KALRN: variants seen among roughly 807,000 people sequenced by gnomAD.
KALRN encodes the protein kalirin.
In KALRN, 70 loss-of-function variants were observed where a neutral mutation model predicts 353.7. That is an observed-to-expected ratio of 0.20 (90% CI 0.16 to 0.24). KALRN has a LOEUF of 0.24. Ranked by LOEUF, KALRN falls within the 10% of genes least tolerant of loss-of-function variation. KALRN has a pLI of 1.00. For synonymous variants in KALRN, 1,391 were observed against 1,434.8 expected (o/e 0.97, Z 0.69); for missense variants, 2,791 against 3,756.7 (o/e 0.74, Z 6.72).
chr3:124,419,546 C>T (rs1034779819), intron 14 of KALRN, among the ~76,000 whole-genome samples: 2 of 151,964 alleles, frequency 1.3e-5, no homozygotes, highest in Middle Eastern at 3.2e-3. Flanking sequence ...TGAAGAGGCT[C>T]GTTTGTTCAT....
intron 1 of KALRN, among the ~76,000 whole-genome samples, chr3:124,063,799 C>A (rs1426610195): frequency 6.6e-6 from 1 of 152,128 alleles, no homozygotes; most frequent in African/African-American, 2.4e-5. Context: ...ATTCAACAAG[C>A]ATGTCTCGAG....
intron 5 of KALRN, among the ~76,000 whole-genome samples, chr3:124,270,002 C>G (rs1398197541): frequency 6.6e-6 from 1 of 152,116 alleles, no homozygotes; most frequent in African/African-American, 2.4e-5. Flanking sequence ...AAAGCTTTCC[C>G]CTTATCAGGG....
intron 6 of KALRN, among the ~76,000 whole-genome samples, chr3:124,324,841 A>G (rs1481917882): frequency 2.0e-5 from 3 of 152,262 alleles, no homozygotes; most frequent in Non-Finnish European, 4.4e-5. Flanking sequence ...AACAGAACCT[A>G]GAGAAAATGC....
chr3:124,202,356 T>C (rs1416532973), intron 1 of KALRN, among the ~76,000 whole-genome samples: 1 of 152,114 alleles, frequency 6.6e-6, no homozygotes, highest in Admixed American at 6.6e-5. Context: ...GCTCAAGCGA[T>C]TTTCCCACCT....
chr3:124,562,990 C>A lies in KALRN; in HGVS notation c.5083C>A (p.Arg1695=). 7.3e-7 allele frequency: 1 copy of A among 1,367,936 alleles called. No homozygotes were observed. Among genetic ancestry groups the A allele is most frequent in the South Asian group, 1.1e-5 (1 of 88,056 alleles). 84.7% of individuals were successfully genotyped at this position (1,367,936 alleles called of 1,614,324 possible). ...TTGGTGTCTGGTCCGTACCACCGAA[C>A]GGAGCCCGCCCTTGGAGGGTCTGGT... is the stretch of plus-strand genomic sequence containing the variant. ...PGWCLVRTTE[R]SPPLEGLVPS... The change falls in exon 34 of 60, where the codon CGG becomes AGG. Residue 1695 remains arginine (R), a synonymous_variant. Transcript: ENST00000682506.
chr3:124,494,042 T>C (rs145500271), intron 32 of KALRN, among the ~76,000 whole-genome samples: 110 of 152,324 alleles, frequency 7.2e-4, no homozygotes, highest in African/African-American at 2.6e-3. Context: ...TGGTCTAGGA[T>C]CATAGTGAAA....
At chr3:124,572,935 G>A (rs1363337392) in intron 34 of KALRN, among the ~76,000 whole-genome samples, 1 of 152,062 alleles carries the variant, frequency 6.6e-6, no homozygotes, top group Non-Finnish European at 1.5e-5. Flanking sequence ...TACTTGGAGG[G>A]TTGAGGTAAG....
intron 5 of KALRN, among the ~76,000 whole-genome samples, chr3:124,282,096 G>A (rs1560452008): frequency 6.6e-6 from 1 of 152,156 alleles, no homozygotes; most frequent in Non-Finnish European, 1.5e-5. Flanking sequence ...AGTAGAAAGG[G>A]AAGGGACAAA....
intron 14 of KALRN, among the ~76,000 whole-genome samples, chr3:124,416,330 T>C (rs1158744188): frequency 6.6e-6 from 1 of 152,238 alleles, no homozygotes; most frequent in Non-Finnish European, 1.5e-5. Context: ...GGACTGCTTA[T>C]GACTGAGGTG....
Position 124,651,843 on chromosome 3 carries a change from G to A in KALRN, c.5795+905G>A, listed in dbSNP as rs985363467. The stretch of plus-strand genomic sequence containing the variant: ...TGTAGAGATGGAGTCTTGCTTGGTT[G>A]CCCTGGCTGGTCTGGGACTCCTAGG... On this transcript the variant is annotated intron_variant, in intron 38 of 59. Transcript: ENST00000682506. Among the ~76,000 whole-genome samples the A allele has an allele frequency of 2.0e-5, 3 of 152,084 alleles. No homozygotes were observed. In the South Asian group the frequency reaches 6.2e-4, roughly 32 times the overall value.
rs753024160 is a variant in KALRN, at chr3:124,482,911, T to C, written c.4284+11T>C. On this transcript the variant is annotated intron_variant, in intron 28 of 59. Transcript: ENST00000682506. Reference sequence around the variant, plus strand: ...CAACTGCTCCTGAAGGTACCTCCCCTCCCCTCTACATCCCCCTCCACTGCC... The same window carrying C: ...CAACTGCTCCTGAAGGTACCTCCCCCCCCCTCTACATCCCCCTCCACTGCC... The C allele has an allele frequency of 1.1e-5, 17 of 1,555,146 alleles. No individual in the cohort carries two copies. The highest frequency in any genetic ancestry group is 1.4e-5 in the Non-Finnish European group (16 of 1,126,282).
At chr3:124,443,178 T>C (rs1237873997) in intron 19 of KALRN, among the ~76,000 whole-genome samples, 1 of 152,248 alleles carries the variant, frequency 6.6e-6, no homozygotes. Flanking sequence ...AAATTGCCTA[T>C]TATCTGACCA....
intron 25 of KALRN, among the ~76,000 whole-genome samples, chr3:124,469,638 T>C (rs2060690445): frequency 6.6e-6 from 1 of 152,174 alleles, no homozygotes; most frequent in Admixed American, 6.6e-5. Context: ...TATAAATACA[T>C]GAACCTCACA....
At chr3:124,146,885 A>AAAAAAAAAAAAAAAAAAGAAAAG (rs2067416849) in intron 1 of KALRN, among the ~76,000 whole-genome samples, 1 of 150,634 alleles carries the variant, frequency 6.6e-6, no homozygotes, top group Non-Finnish European at 1.5e-5. Context: ...AAAAAAAAAA[A>AAAAAAAAAAAAAAAAAAGAAAAG]AAAAAAAAAG....
chr3:124,628,936 G>A (rs2581159), intron 34 of KALRN, among the ~76,000 whole-genome samples: 111,313 of 151,856 alleles, frequency 0.73, 41,584 homozygotes, highest in East Asian at 0.89. Context: ...TCTATTGGCT[G>A]CATGTAGGCC....
intron 33 of KALRN, chr3:124,504,808 C>G: frequency 2.1e-6 from 1 of 468,638 alleles, no homozygotes; most frequent in South Asian, 1.6e-5. Flanking sequence ...GCTGCCAGAA[C>G]CAGTTCAGCC....
At chr3:124,422,497 C>T (rs1168841740) in intron 14 of KALRN, among the ~76,000 whole-genome samples, 1 of 152,000 alleles carries the variant, frequency 6.6e-6, no homozygotes, top group East Asian at 1.9e-4. Flanking sequence ...TTGGCAAATC[C>T]CCCAGCAGGA....
intron 1 of KALRN, among the ~76,000 whole-genome samples, chr3:124,069,179 G>A (rs1307722603): frequency 1.3e-5 from 2 of 152,244 alleles, no homozygotes; most frequent in African/African-American, 4.8e-5. Context: ...AAAGAGGCTA[G>A]GAACTTGCCT....
At chr3:124,178,679 C>G (rs1415529580) in intron 1 of KALRN, among the ~76,000 whole-genome samples, 1 of 152,142 alleles carries the variant, frequency 6.6e-6, no homozygotes, top group Admixed American at 6.5e-5. Context: ...GTACACTTAC[C>G]ATAAATGCAA....
Sources: allele counts gnomAD v4.1 joint callset (sites outside exome capture counted in the v4.1 genomes callset), GRCh38; gene constraint gnomAD v4.1.1; transcripts MANE v1.5; gene names NCBI Gene and HGNC (gene_info 2026-07-23, HGNC 2026-07-21).